The following INPP5A variants were observed in gnomAD, a reference collection of about 807,000 sequenced individuals.
INPP5A encodes 43 kDa inositol polyphosphate 5-phophatase.
INPP5A carries 14 observed loss-of-function variants against 65.2 expected under a neutral mutation model. That is an observed-to-expected ratio of 0.21 (90% CI 0.14 to 0.34). INPP5A has a LOEUF of 0.34. Among genes scored for constraint, INPP5A ranks in the 10% least tolerant of loss-of-function variants. The probability of loss-of-function intolerance (pLI) is 1.00; values close to 1 mark genes in which losing one functional copy is unlikely to be tolerated. For synonymous variants in INPP5A, 207 were observed against 208.3 expected, an observed-to-expected ratio of 0.99 and a Z score of 0.05; for missense variants, 431 against 545.6, an observed-to-expected ratio of 0.79 and a Z score of 2.09.
At chr10:132,689,435 A>G (rs1258819007) in intron 4 of INPP5A, among the ~76,000 whole-genome samples, 1 of 152,158 alleles carries the variant, frequency 6.6e-6, no homozygotes, top group Non-Finnish European at 1.5e-5. Context: ...GCTATCTCCT[A>G]TGAGATAGGT....
intron 1 of INPP5A, among the ~76,000 whole-genome samples, chr10:132,553,634 T>C (rs1323606095): frequency 4.7e-5 from 6 of 126,412 alleles, no homozygotes; most frequent in Admixed American, 4.7e-4. Flanking sequence ...AGAGCCTTGG[T>C]GTGGAATATT....
At chr10:132,749,933 AC>A in intron 11 of INPP5A, 88 bp downstream of exon 11, 1 of 1,155,116 alleles carries the variant, frequency 8.7e-7, no homozygotes, top group South Asian at 1.2e-5. Flanking sequence ...ACCTGGGACC[AC>A]CCTGCCTTGT....
At chr10:132,689,078 G>A (rs777556342) in intron 4 of INPP5A, among the ~76,000 whole-genome samples, 3 of 152,242 alleles carry the variant, frequency 2.0e-5, no homozygotes, top group Non-Finnish European at 4.4e-5. Context: ...ACATGAATGT[G>A]CAAGAGTGTA....
At chr10:132,630,263 A>G (rs1233740938) in intron 2 of INPP5A, among the ~76,000 whole-genome samples, 1 of 150,410 alleles carries the variant, frequency 6.6e-6, no homozygotes, top group Non-Finnish European at 1.5e-5. Context: ...GAAGGCGTCC[A>G]TGAGGGGAAG....
At chr10:132,719,891 A>C (rs1312031228) in intron 8 of INPP5A, among the ~76,000 whole-genome samples, 28 of 105,182 alleles carry the variant, frequency 2.7e-4, no homozygotes, top group Admixed American at 4.8e-4. Context: ...GGCTGTCTTC[A>C]GGGTTCTGTG....
intron 1 of INPP5A, among the ~76,000 whole-genome samples, chr10:132,577,551 A>G (rs1478990477): frequency 6.6e-6 from 1 of 152,212 alleles, no homozygotes; most frequent in African/African-American, 2.4e-5. Flanking sequence ...TTTGGTGGCC[A>G]TCAGGGAGGG....
At chr10:132,680,352 C>T (rs1422841095) in intron 4 of INPP5A, among the ~76,000 whole-genome samples, 1 of 152,348 alleles carries the variant, frequency 6.6e-6, no homozygotes, top group African/African-American at 2.4e-5. Context: ...CACGAAAAAG[C>T]GCCCAGCTCC....
Position 132,538,129 on chromosome 10 carries a change from G to A in INPP5A, c.33G>A (p.Ala11=), listed in dbSNP as rs781535537. The part of the protein sequence containing the change: MAGKAAAPGT[A]VLLVTANVGS... ...GGAAGGCGGCCGCCCCGGGCACCGC[G>A]GTGCTGCTGGTCACGGCCAACGTGG... Residue 11 remains alanine (A), a synonymous_variant, in exon 1 of 16, where the codon GCG becomes GCA. Coordinates refer to ENST00000368594, the MANE Select transcript of INPP5A (RefSeq NM_005539.5). This position sits in a 1 kb window ranked among gnomAD's most constrained non-coding sequence, Gnocchi z 4.1. 1.4e-5 allele frequency: 17 copies of A among 1,255,594 alleles called. No homozygotes were observed. The East Asian group carries it at 4.7e-4, about 35-fold the overall frequency. The allele number at this position is 1,255,594 out of a possible 1,614,324, so 77.8% of individuals were successfully genotyped here.
chr10:132,700,893 C>T (rs535364266), intron 6 of INPP5A, among the ~76,000 whole-genome samples: 25 of 152,324 alleles, frequency 1.6e-4, no homozygotes, highest in African/African-American at 6.0e-4. Flanking sequence ...AATGATGCCT[C>T]TGGGAGCCAC....
At chr10:132,612,540 G>T (rs1590868127) in intron 2 of INPP5A, among the ~76,000 whole-genome samples, 1 of 152,140 alleles carries the variant, frequency 6.6e-6, no homozygotes, top group African/African-American at 2.4e-5. Context: ...AGTTTGGGGA[G>T]GCTGTGCAGG....
chr10:132,539,012 T>A (rs2070876709), intron 1 of INPP5A, among the ~76,000 whole-genome samples: 1 of 151,954 alleles, frequency 6.6e-6, no homozygotes, highest in African/African-American at 2.4e-5. Context: ...CAAACCCAAT[T>A]CTGGACCCTG....
Position 132,726,828 on chromosome 10 carries a change from G to C in INPP5A, c.655G>C (p.Asp219His), listed in dbSNP as rs1220129271. The C allele has an allele frequency of 1.9e-6, 3 of 1,599,522 alleles. No individual in the cohort carries two copies. The highest frequency in any genetic ancestry group is 2.6e-6 in the Non-Finnish European group (3 of 1,169,764). The change falls in exon 9 of 16, where the codon GAT (aspartate) becomes CAT (histidine). Residue 219 changes from aspartate (D) to histidine (H), a missense_variant. By Grantham distance (81) the Asp-to-His change is moderately conservative. Coordinates refer to ENST00000368594, the MANE Select transcript of INPP5A (RefSeq NM_005539.5). ...ALGYVLDRII[D>H]QRFEKVSYFV... is the part of the protein sequence containing the mutation. ...TCCTCTTTTTCTTTCCAGAATCATT[G>C]ATCAGCGATTCGAGAAGGTTTCCTA...
rs140448355 is a variant in INPP5A, at chr10:132,733,119, C to T, written c.732+6214C>T. Among the ~76,000 whole-genome samples the T allele has an allele frequency of 7.0e-3, 1,065 of 152,310 alleles. 8 individuals are homozygous for T. The highest frequency in any genetic ancestry group is 0.02 in the Middle Eastern group (6 of 294). On this transcript the variant is annotated intron_variant, in intron 9 of 15. Transcript: ENST00000368594. ...CTCATGGCCGCATCACCTCCGTCTG[C>T]GCCTCCATCCTCATGTGGCCTTTTC...
chr10:132,616,318 T>C lies in INPP5A; in HGVS notation c.117+8362T>C, dbSNP rs1357025306. 6.6e-6 allele frequency among the ~76,000 whole-genome samples: 1 copy of C among 151,790 alleles called. No individual in the cohort carries two copies. Among genetic ancestry groups the C allele is most frequent in the East Asian group, 1.9e-4 (1 of 5,156 alleles). ...AGTGGCAGATGTGCAGTGTGGGGCA[T>C]GTGGCGTGCAGGGACGCCGTGGGCG... On this transcript the variant is annotated intron_variant, in intron 2 of 15. Coordinates refer to ENST00000368594, the MANE Select transcript of INPP5A (RefSeq NM_005539.5). The surrounding 1 kb of genome is among the most constrained non-coding windows in gnomAD (Gnocchi z 4.9).
chr10:132,688,587 G>A (rs569038835), intron 4 of INPP5A, among the ~76,000 whole-genome samples: 124 of 152,352 alleles, frequency 8.1e-4, no homozygotes, highest in Admixed American at 2.1e-3. Flanking sequence ...CAAAGCAAGA[G>A]TGCATGAGTG....
chr10:132,771,806 C>A (rs60935843), intron 12 of INPP5A, among the ~76,000 whole-genome samples: 1,493 of 76,272 alleles, frequency 0.02, 106 homozygotes, highest in Non-Finnish European at 0.03. Flanking sequence ...CACGGAGGCC[C>A]AGGCAGCCGC....
In INPP5A at chr10:132,670,944, C is replaced by T. The variant is rs918401409; in HGVS notation, c.307-19448C>T. Among the ~76,000 whole-genome samples, 18 of 149,814 alleles carry T rather than the reference C, an allele frequency of 1.2e-4. No homozygotes were observed. In the East Asian group the frequency reaches 1.6e-3, roughly 13 times the overall value. ...ACTGCAAACGGCGGTGACGGCTTGA[C>T]GGGCGTCACTTTTCCTTGGTCTTTG... On this transcript the variant is annotated intron_variant, in intron 4 of 15. Coordinates refer to ENST00000368594, the MANE Select transcript of INPP5A (RefSeq NM_005539.5).
In INPP5A at chr10:132,690,491, G is replaced by A. The variant is rs754235490; in HGVS notation, c.370+36G>A. On this transcript the variant is annotated intron_variant, in intron 5 of 15. Coordinates refer to ENST00000368594, the MANE Select transcript of INPP5A (RefSeq NM_005539.5). ...GTGCCGTCTTCCGGGATTTTGTCTC[G>A]GCACTCACCCCTCCTGGTGTCTGGC... The A allele has an allele frequency of 2.0e-5, 30 of 1,491,760 alleles. No homozygotes were observed. The East Asian group carries it at 5.6e-4, about 28-fold the overall frequency. The allele number at this position is 1,491,760 out of a possible 1,614,324, so 92.4% of individuals were successfully genotyped here. A position where few individuals can be genotyped will look rare whatever the true frequency, so the allele number is the denominator to read the frequency against.
chr10:132,593,280 G>A (rs12257020), intron 1 of INPP5A, among the ~76,000 whole-genome samples: 206 of 152,288 alleles, frequency 1.4e-3, no homozygotes, highest in African/African-American at 4.6e-3. Flanking sequence ...CACTGAGGAC[G>A]GGGATTACAC....
Sources: allele counts gnomAD v4.1 joint callset (sites outside exome capture counted in the v4.1 genomes callset), GRCh38; gene constraint gnomAD v4.1.1; non-coding constraint Gnocchi (gnomAD v3.1); transcripts MANE v1.5; gene names NCBI Gene and HGNC (gene_info 2026-07-23, HGNC 2026-07-21).